The following CXCL17 variants were observed in gnomAD, a reference collection of about 807,000 sequenced individuals.
The protein encoded by CXCL17 is C-X-C motif chemokine 17.
Under a neutral mutation model 15.5 loss-of-function variants are expected in CXCL17, and 9 were observed. The ratio of observed to expected loss-of-function variants is 0.58; its 90% CI spans 0.35 to 1.01. The LOEUF (loss-of-function observed/expected upper bound fraction) is 1.01. Ranked by LOEUF, CXCL17 falls within the 50% of genes least tolerant of loss-of-function variation. The probability of loss-of-function intolerance (pLI) is 0.02; values close to 1 mark genes in which losing one functional copy is unlikely to be tolerated. For missense variants in CXCL17, 133 were observed against 138.2 expected (o/e 0.96, Z 0.19); for synonymous variants, 52 against 52.3 (o/e 0.99, Z 0.02).
intron 3 of CXCL17, 85 bp downstream of exon 3, chr19:42,432,891 C>CT (rs1285727399): frequency 1.2e-5 from 12 of 1,015,060 alleles, no homozygotes; most frequent in East Asian, 5.1e-5. Context: ...AATTTCACCT[C>CT]TTTTTTCTAT....
intron 3 of CXCL17, 85 bp downstream of exon 3, chr19:42,432,891 C>T: frequency 9.9e-7 from 1 of 1,015,178 alleles, no homozygotes. Flanking sequence ...AATTTCACCT[C>T]TTTTTTCTAT....
At chr19:42,437,125 G>T (rs974438218) in intron 1 of CXCL17, among the ~76,000 whole-genome samples, 4 of 151,890 alleles carry the variant, frequency 2.6e-5, no homozygotes, top group African/African-American at 9.7e-5. Flanking sequence ...TTTAGTAGAG[G>T]CAGGTTTTAC....
intron 1 of CXCL17, among the ~76,000 whole-genome samples, chr19:42,437,995 A>G (rs2040849098): frequency 6.6e-6 from 1 of 152,146 alleles, no homozygotes; most frequent in Admixed American, 6.6e-5. Context: ...ACACATATAC[A>G]CTTACGATAA....
chr19:42,428,841 T>G lies in CXCL17; in HGVS notation c.*43A>C. 1 of 1,476,700 alleles carries G rather than the reference T, an allele frequency of 6.8e-7. No homozygotes were observed. The highest frequency in any genetic ancestry group is 9.5e-7 in the Non-Finnish European group (1 of 1,054,928). The allele number at this position is 1,476,700 out of a possible 1,614,324, so 91.5% of individuals were successfully genotyped here. On this transcript the variant is annotated 3_prime_UTR_variant, in exon 4 of 4. Coordinates refer to ENST00000601181, the MANE Select transcript of CXCL17 (RefSeq NM_198477.3). Reference sequence around the variant, plus strand: ...TCTGGTAGGTGTGCTCACTGTCTTCTTGGCTGAGAATGTTTAATTGGAAGA... The same window carrying G: ...TCTGGTAGGTGTGCTCACTGTCTTCGTGGCTGAGAATGTTTAATTGGAAGA...
chr19:42,441,520 G>A (rs1457042610), intron 1 of CXCL17, among the ~76,000 whole-genome samples: 1 of 152,144 alleles, frequency 6.6e-6, no homozygotes, highest in Admixed American at 6.5e-5. Context: ...CTCTAGCCTG[G>A]GTGTCTGTCA....
chr19:42,428,846 T>G lies in CXCL17; in HGVS notation c.*38A>C. ...TAGGTGTGCTCACTGTCTTCTTGGC[T>G]GAGAATGTTTAATTGGAAGAGTGGG... On this transcript the variant is annotated 3_prime_UTR_variant, in exon 4 of 4. Transcript: ENST00000601181. 9 of 1,500,834 alleles carry G rather than the reference T, an allele frequency of 6.0e-6. No homozygotes were observed. The highest frequency in any genetic ancestry group is 7.4e-6 in the Non-Finnish European group (8 of 1,077,126). The allele number at this position is 1,500,834 out of a possible 1,614,324, so 93.0% of individuals were successfully genotyped here. A position where few individuals can be genotyped will look rare whatever the true frequency, so the allele number is the denominator to read the frequency against.
At chr19:42,435,237 C>T (rs2040822650) in intron 1 of CXCL17, among the ~76,000 whole-genome samples, 1 of 151,832 alleles carries the variant, frequency 6.6e-6, no homozygotes, top group African/African-American at 2.4e-5. Context: ...ACTTGAGATT[C>T]TCAAGTAAGA....
Position 42,428,965 on chromosome 19 carries a change from G to T in CXCL17, c.279C>A (p.His93Gln). The change falls in exon 4 of 4, where the codon CAC becomes CAA. Residue 93 changes from histidine (H) to glutamine (Q), a missense_variant. Coordinates refer to ENST00000601181, the MANE Select transcript of CXCL17 (RefSeq NM_198477.3). ...CTCTGGAATGCTTGTTTGGCTTTCT[G>T]TGGTGCCTTTGGTGTCCTAGGGTGC... ...NVKKTRHQRH[H>Q]RKPNKHSRAC... The T allele has an allele frequency of 6.2e-7, 1 of 1,614,060 alleles. No homozygotes were observed. The highest frequency in any genetic ancestry group is 8.5e-7 in the Non-Finnish European group (1 of 1,179,926).
chr19:42,431,692 TTTA>T (rs2040783125), intron 3 of CXCL17, among the ~76,000 whole-genome samples: 1 of 150,094 alleles, frequency 6.7e-6, no homozygotes, highest in African/African-American at 2.4e-5. Context: ...TATTATTATT[TTTA>T]TTATTATTGT....
chr19:42,442,707 G>C, intron 1 of CXCL17, 47 bp downstream of exon 1: 1 of 1,389,592 alleles, frequency 7.2e-7, no homozygotes, highest in Non-Finnish European at 1.0e-6. Context: ...GGCCTGTTTT[G>C]CCACATTTCT....
chr19:42,438,381 A>AAAAAAT lies in CXCL17; in HGVS notation c.79+4372_79+4373insATTTTT, dbSNP rs1555793041. On this transcript the variant is annotated intron_variant, in intron 1 of 3. Transcript: ENST00000601181. ...AAAAAAAAAAAAAAAAAAAAAAAAA[A>AAAAAAT]ATATATATATATATATATATATATA... 7.4e-4 allele frequency among the ~76,000 whole-genome samples: 47 copies of AAAAAAT among 63,820 alleles called. 1 individual carries two copies. Among genetic ancestry groups the AAAAAAT allele is most frequent in the African/African-American group, 1.4e-3 (18 of 13,194 alleles). 41.9% of individuals were successfully genotyped at this position (63,820 alleles called of 152,430 possible).
chr19:42,437,499 G>A (rs1406424532), intron 1 of CXCL17, among the ~76,000 whole-genome samples: 2 of 152,124 alleles, frequency 1.3e-5, no homozygotes, highest in Admixed American at 1.3e-4. Flanking sequence ...CTTAACTGTC[G>A]ACTTGGACAA....
intron 1 of CXCL17, among the ~76,000 whole-genome samples, chr19:42,441,193 G>T (rs2040888531): frequency 6.6e-6 from 1 of 152,190 alleles, no homozygotes; most frequent in Admixed American, 6.5e-5. Flanking sequence ...AGGACAGGGG[G>T]TGGGGGCAGG....
chr19:42,430,545 G>A (rs1402512633), intron 3 of CXCL17, among the ~76,000 whole-genome samples: 3 of 147,904 alleles, frequency 2.0e-5, no homozygotes, highest in Non-Finnish European at 4.5e-5. Flanking sequence ...AGTGAGCCGA[G>A]ATTGCGCTAT....
At chr19:42,441,298 A>C (rs1193646396) in intron 1 of CXCL17, among the ~76,000 whole-genome samples, 1 of 152,186 alleles carries the variant, frequency 6.6e-6, no homozygotes, top group Non-Finnish European at 1.5e-5. Context: ...GAGGGAGACC[A>C]CATGTCTGGC....
At chr19:42,433,635 A>G in intron 2 of CXCL17, 141 bp downstream of exon 2, 2 of 692,856 alleles carry the variant, frequency 2.9e-6, no homozygotes, top group Admixed American at 2.2e-5. Flanking sequence ...AAGTGGGCAC[A>G]GGTGCTGCAT....
intron 1 of CXCL17, 38 bp from the exon 2 acceptor site, chr19:42,433,894 A>G (rs765853474): frequency 2.6e-6 from 4 of 1,512,672 alleles, no homozygotes; most frequent in Non-Finnish European, 2.8e-6. Flanking sequence ...GACACTGGAA[A>G]GGGCACAGAA....
intron 1 of CXCL17, among the ~76,000 whole-genome samples, 184 bp from the exon 2 acceptor site, chr19:42,434,040 C>G (rs1568620841): frequency 6.6e-6 from 1 of 152,080 alleles, no homozygotes; most frequent in East Asian, 1.9e-4. Context: ...TGCTGTGTTG[C>G]CTAGGCTGGT....
At chr19:42,440,464 A>C (rs1190864759) in intron 1 of CXCL17, among the ~76,000 whole-genome samples, 3 of 152,178 alleles carry the variant, frequency 2.0e-5, no homozygotes, top group Non-Finnish European at 4.4e-5. Context: ...GCTGGGAAAC[A>C]AGATTTGAGC....
Sources: gnomAD v4.1 joint callset for allele counts (sites outside exome capture counted in the v4.1 genomes callset) on GRCh38, gnomAD v4.1.1 for gene constraint, MANE v1.5 for transcripts, NCBI Gene and HGNC (gene_info 2026-07-23, HGNC 2026-07-21) for gene names.